Variants in CENPS observed in about 807,000 individuals in gnomAD.
CENPS encodes FANCM associated histone fold protein 1.
Under a neutral mutation model 17.9 loss-of-function variants are expected in CENPS, and 16 were observed. The observed-to-expected ratio is 0.90, with a 90% CI of 0.61 to 1.36. CENPS has a LOEUF of 1.36. Among genes scored for constraint, CENPS ranks in the 40% most tolerant of loss-of-function variants. The pLI is 0.00. For synonymous variants in CENPS, 49 were observed against 55.8 expected (o/e 0.88, Z 0.54); for missense variants, 160 against 158.6 (o/e 1.01, Z -0.05).
rs1190526428 is a variant in CENPS, at chr1:10,433,733, G to A, written c.52-109G>A. ...AAGCCACTCAGCCATTATGGAAAGC[G>A]CCAGAGGGATTGGGCTGAGCAGACC... is the stretch of plus-strand genomic sequence containing the variant. On this transcript the variant is annotated intron_variant, in intron 1 of 4. Coordinates refer to ENST00000309048, the MANE Select transcript of CENPS (RefSeq NM_199294.3). 1.1e-5 allele frequency: 17 copies of A among 1,545,840 alleles called. No individual in the cohort carries two copies. In the Admixed American group the frequency reaches 1.3e-4, roughly 12 times the overall value.
rs551347712 is a variant in CENPS at position 10,434,541 on chromosome 1, G to T, written c.176-116G>T. ...AATGCCTCCTTTCACCTTTAAGAGG[G>T]TTTGTTATATTAGTCAAGTCACTGT... is the stretch of plus-strand genomic sequence containing the variant. On this transcript the variant is annotated intron_variant, in intron 2 of 4. Transcript: ENST00000309048. The T allele has an allele frequency of 8.8e-6, 13 of 1,473,088 alleles. No individual in the cohort carries two copies. The African/African-American group carries it at 1.5e-4, about 17-fold the overall frequency. 91.3% of individuals were successfully genotyped at this position (1,473,088 alleles called of 1,614,324 possible).
intron 3 of CENPS, 83 bp downstream of exon 3, chr1:10,434,773 C>T: frequency 6.7e-7 from 1 of 1,482,770 alleles, no homozygotes; most frequent in Non-Finnish European, 8.9e-7. Flanking sequence ...TTCAGGAGAG[C>T]TTTAGCTATT....
chr1:10,440,896 G>A (rs994106695), intron 4 of CENPS, among the ~76,000 whole-genome samples: 4 of 152,232 alleles, frequency 2.6e-5, no homozygotes. Flanking sequence ...GTCATCCCAG[G>A]CTAGTGGCTT....
rs550923186 is a variant in CENPS, at chr1:10,433,925, G to A, written c.135G>A (p.Gln45=). The A allele has an allele frequency of 6.2e-7, 1 of 1,614,216 alleles. No individual in the cohort carries two copies. Among genetic ancestry groups the A allele is most frequent in the East Asian group, 2.2e-5 (1 of 44,890 alleles). Residue 45 remains glutamine, a synonymous_variant, in exon 2 of 5, where the codon CAG becomes CAA. Transcript: ENST00000309048. ...ALDKEMQFSK[Q]TIAAISELTF... ...ACAAAGAGATGCAGTTCAGCAAACAGACCATTGCGGCCATTTCGGAGCTGA... is the reference window on the plus strand; with the variant it reads ...ACAAAGAGATGCAGTTCAGCAAACAAACCATTGCGGCCATTTCGGAGCTGA...
chr1:10,437,604 C>T (rs565557472), intron 3 of CENPS, among the ~76,000 whole-genome samples: 9 of 150,474 alleles, frequency 6.0e-5, no homozygotes, highest in African/African-American at 2.2e-4. Context: ...TTACAGGCGC[C>T]TGCCACTATG....
intron 3 of CENPS, among the ~76,000 whole-genome samples, chr1:10,437,353 T>C (rs1640209221): frequency 6.6e-6 from 1 of 151,958 alleles, no homozygotes; most frequent in Non-Finnish European, 1.5e-5. Flanking sequence ...GAGCTTGTTA[T>C]GAGAAATTTC....
intron 3 of CENPS, among the ~76,000 whole-genome samples, chr1:10,437,527 A>G (rs1226495650): frequency 6.9e-6 from 1 of 144,922 alleles, no homozygotes; most frequent in African/African-American, 2.6e-5. Context: ...CGCGATCTCA[A>G]CTCACCGCAA....
intron 1 of CENPS, chr1:10,431,492 T>C: frequency 7.2e-7 from 1 of 1,396,764 alleles, no homozygotes; most frequent in South Asian, 1.3e-5. Flanking sequence ...AGCCCCGCGA[T>C]TGGAGAATTA....
At chr1:10,430,725 G>A in intron 1 of CENPS, 157 bp downstream of exon 1, 8 of 1,412,970 alleles carry the variant, frequency 5.7e-6, no homozygotes, top group Non-Finnish European at 7.4e-6. Context: ...CGCGGGTGGT[G>A]CTGGGAGGCG....
chr1:10,435,708 T>TACACACACACACAC (rs1334818968), intron 3 of CENPS, among the ~76,000 whole-genome samples: 4 of 143,782 alleles, frequency 2.8e-5, no homozygotes, highest in African/African-American at 1.0e-4. Context: ...AAATAATATA[T>TACACACACACACAC]ATATATATAC....
chr1:10,431,179 A>G, intron 1 of CENPS: 11 of 1,475,480 alleles, frequency 7.5e-6, no homozygotes, highest in Non-Finnish European at 9.8e-6. Flanking sequence ...CGTTCCTTTC[A>G]TCAGCGCCGG....
In CENPS at chr1:10,433,984, C is replaced by A; in HGVS notation, c.175+19C>A. ...CAGTGTGGTATGAAGCTTCGGCCTC[C>A]CCAGCCATGTCTGTAAACCCCAAAG... On this transcript the variant is annotated intron_variant, in intron 2 of 4. Coordinates refer to ENST00000309048, the MANE Select transcript of CENPS (RefSeq NM_199294.3). The A allele has an allele frequency of 6.2e-7, 1 of 1,613,984 alleles. No homozygotes were observed. Among genetic ancestry groups the A allele is most frequent in the Non-Finnish European group, 8.5e-7 (1 of 1,179,950 alleles).
At chr1:10,439,108 T>C (rs1640302101) in intron 3 of CENPS, among the ~76,000 whole-genome samples, 1 of 152,188 alleles carries the variant, frequency 6.6e-6, no homozygotes, top group South Asian at 2.1e-4. Context: ...AGATGACACG[T>C]GATATTTGTC....
At chr1:10,435,708 T>TACACACACACAC (rs1334818968) in intron 3 of CENPS, among the ~76,000 whole-genome samples, 17 of 143,882 alleles carry the variant, frequency 1.2e-4, no homozygotes, top group East Asian at 4.1e-4. Flanking sequence ...AAATAATATA[T>TACACACACACAC]ATATATATAC....
intron 1 of CENPS, among the ~76,000 whole-genome samples, chr1:10,433,617 T>C (rs1248470552): frequency 1.3e-5 from 2 of 152,218 alleles, no homozygotes; most frequent in African/African-American, 2.4e-5. Context: ...TTCTTATCTT[T>C]ACCTGACATA....
rs774882305 is a variant in CENPS at position 10,430,594 on chromosome 1, G to C, written c.51+26G>C. On this transcript the variant is annotated intron_variant, in intron 1 of 4. Coordinates refer to ENST00000309048, the MANE Select transcript of CENPS (RefSeq NM_199294.3). ...GTACAGGAAAACGGGGGTCGGGCTG[G>C]GCTGGGGCAGGACGGCGTCGAGTTT... The C allele has an allele frequency of 3.9e-6, 6 of 1,531,358 alleles. No individual in the cohort carries two copies. The African/African-American group carries it at 7.2e-5, about 18-fold the overall frequency. The allele number at this position is 1,531,358 out of a possible 1,614,324, so 94.9% of individuals were successfully genotyped here. A position where few individuals can be genotyped will look rare whatever the true frequency, so the allele number is the denominator to read the frequency against.
chr1:10,430,782 G>C, intron 1 of CENPS: 1 of 1,379,912 alleles, frequency 7.2e-7, no homozygotes, highest in Non-Finnish European at 9.3e-7. Context: ...TGGCTGGGGA[G>C]GAAGCGGTTC....
At position 10,433,924 on chromosome 1, in the gene CENPS, A is replaced by G. The variant is rs1317579894; in HGVS notation, c.134A>G (p.Gln45Arg). The G allele has an allele frequency of 6.2e-7, 1 of 1,614,222 alleles. No individual in the cohort carries two copies. The highest frequency in any genetic ancestry group is 1.1e-5 in the South Asian group (1 of 91,088). Residue 45 changes from glutamine to arginine, a missense_variant, in exon 2 of 5, where the codon CAG becomes CGG. Physicochemically the swap from Gln to Arg is conservative, Grantham distance 43 (BLOSUM62 1). Coordinates refer to ENST00000309048, the MANE Select transcript of CENPS (RefSeq NM_199294.3). ...GACAAAGAGATGCAGTTCAGCAAAC[A>G]GACCATTGCGGCCATTTCGGAGCTG... Reference protein sequence around the residue: ...ALDKEMQFSKQTIAAISELTF... With the variant: ...ALDKEMQFSKRTIAAISELTF...
chr1:10,440,200 G>T, intron 3 of CENPS, 147 bp from the exon 4 acceptor site: 1 of 1,065,264 alleles, frequency 9.4e-7, no homozygotes, highest in Non-Finnish European at 1.3e-6. Context: ...TAATTTTTGT[G>T]TCACTTTTGC....
Sources: allele counts gnomAD v4.1 joint callset (sites outside exome capture counted in the v4.1 genomes callset), GRCh38; gene constraint gnomAD v4.1.1; transcripts MANE v1.5; gene names NCBI Gene and HGNC (gene_info 2026-07-23, HGNC 2026-07-21).